Variants in RCHY1 observed in about 807,000 individuals in gnomAD.
RCHY1 encodes ring finger and CHY zinc finger domain containing 1.
RCHY1 carries 21 observed loss-of-function variants against 41.6 expected under a neutral mutation model. That is an observed-to-expected ratio of 0.51 (90% CI 0.36 to 0.73). RCHY1 has a LOEUF of 0.73. RCHY1 is among the 30% of genes least tolerant of loss of function. The pLI is 0.00. For synonymous variants in RCHY1, 79 were observed against 102.9 expected (o/e 0.77, Z 1.41); for missense variants, 265 against 325.3 (o/e 0.81, Z 1.43).
At chr4:75,497,778 C>A (rs1723357369) in intron 3 of RCHY1, among the ~76,000 whole-genome samples, 1 of 150,580 alleles carries the variant, frequency 6.6e-6, no homozygotes, top group African/African-American at 2.4e-5. Context: ...AACTATAAAC[C>A]AATGGATTCA....
intron 1 of RCHY1, among the ~76,000 whole-genome samples, chr4:75,510,979 T>C (rs780233974): frequency 1.3e-5 from 2 of 152,158 alleles, no homozygotes; most frequent in Non-Finnish European, 2.9e-5. Context: ...TTTTGGAGAA[T>C]TATGGATATC....
chr4:75,487,811 A>AAT (rs1343112490), intron 8 of RCHY1, among the ~76,000 whole-genome samples: 620 of 42,956 alleles, frequency 0.014, 53 homozygotes, highest in Non-Finnish European at 0.017. Flanking sequence ...ATATATTCAT[A>AAT]ATATATATTC....
intron 3 of RCHY1, among the ~76,000 whole-genome samples, chr4:75,494,835 C>T (rs11729106): frequency 6.6e-6 from 1 of 151,588 alleles, no homozygotes; most frequent in Admixed American, 6.6e-5. Flanking sequence ...ACCATGTTCC[C>T]CACACTTTGG....
chr4:75,504,096 G>T (rs1419180061), intron 3 of RCHY1, among the ~76,000 whole-genome samples: 1 of 152,188 alleles, frequency 6.6e-6, no homozygotes, highest in South Asian at 2.1e-4. Flanking sequence ...CTTATCAGTG[G>T]TGTATTTGAG....
chr4:75,491,528 A>T, intron 7 of RCHY1, 83 bp downstream of exon 7: 2 of 1,249,042 alleles, frequency 1.6e-6, no homozygotes, highest in Middle Eastern at 1.9e-4. Context: ...TAGTATAAGT[A>T]ACAATGTTTG....
intron 1 of RCHY1, chr4:75,513,984 G>T (rs1011017227): frequency 2.0e-5 from 12 of 606,612 alleles, no homozygotes; most frequent in South Asian, 2.8e-5. Context: ...TCCCAAGAAG[G>T]GTTTTGCTTT....
At chr4:75,511,228 C>CA (rs1481040573) in intron 1 of RCHY1, among the ~76,000 whole-genome samples, 1 of 152,100 alleles carries the variant, frequency 6.6e-6, no homozygotes, top group Non-Finnish European at 1.5e-5. Flanking sequence ...CATGCAATAT[C>CA]AAAAAATCAT....
chr4:75,497,909 A>G (rs1449672071), intron 3 of RCHY1, among the ~76,000 whole-genome samples: 1 of 151,828 alleles, frequency 6.6e-6, no homozygotes, highest in Non-Finnish European at 1.5e-5. Context: ...ATTTTGAAAG[A>G]AAGAAAAGAA....
At chr4:75,511,057 T>C (rs1460142158) in intron 1 of RCHY1, among the ~76,000 whole-genome samples, 2 of 152,174 alleles carry the variant, frequency 1.3e-5, no homozygotes, top group African/African-American at 4.8e-5. Context: ...TGAAATCGTA[T>C]CAAGGAATAT....
chr4:75,487,670 AT>A (rs1722269004), intron 8 of RCHY1, among the ~76,000 whole-genome samples: 2 of 78,266 alleles, frequency 2.6e-5, no homozygotes, highest in African/African-American at 6.3e-5. Context: ...ATATATTCAT[AT>A]ATATTCATAA....
At chr4:75,514,534 GGTTGCCT>G, upstream of RCHY1, 1 of 417,548 alleles carries the variant, frequency 2.4e-6, no homozygotes, top group South Asian at 5.8e-5. Context: ...ATAACTCTTA[GGTTGCCT>G]GTTTTCCCCC....
At chr4:75,503,781 C>T (rs1724032247) in intron 3 of RCHY1, among the ~76,000 whole-genome samples, 1 of 152,050 alleles carries the variant, frequency 6.6e-6, no homozygotes, top group Non-Finnish European at 1.5e-5. Context: ...TATTTCATGA[C>T]AAAAACCTGG....
At chr4:75,489,915 C>G (rs1304240307) in intron 8 of RCHY1, among the ~76,000 whole-genome samples, 2 of 152,168 alleles carry the variant, frequency 1.3e-5, no homozygotes, top group Non-Finnish European at 1.5e-5. Flanking sequence ...GGACCCTCCA[C>G]ACTCTTGGAA....
intron 3 of RCHY1, among the ~76,000 whole-genome samples, chr4:75,502,453 A>C (rs1270553445): frequency 6.6e-6 from 1 of 151,216 alleles, no homozygotes; most frequent in Non-Finnish European, 1.5e-5. Context: ...GGCAGGAAAA[A>C]GGCATGAACC....
chr4:75,505,590 C>G (rs1724220335), intron 3 of RCHY1, among the ~76,000 whole-genome samples: 1 of 151,692 alleles, frequency 6.6e-6, no homozygotes, highest in African/African-American at 2.4e-5. Context: ...TAGGATGAAT[C>G]TTAGAAACAG....
chr4:75,498,161 T>C lies in RCHY1; in HGVS notation c.327-3982A>G, dbSNP rs969129235. Among the ~76,000 whole-genome samples the C allele has an allele frequency of 2.0e-5, 3 of 148,360 alleles. No individual in the cohort carries two copies. The East Asian group carries it at 5.9e-4, about 29-fold the overall frequency. On this transcript the variant is annotated intron_variant, in intron 3 of 8. Transcript: ENST00000324439. ...GAAACAAAAGAGAAGACGTAAGAACTCAGACCACAGAAATACAAAGATAGA... is the reference window on the plus strand; with the variant it reads ...GAAACAAAAGAGAAGACGTAAGAACCCAGACCACAGAAATACAAAGATAGA...
Position 75,482,463 on chromosome 4 carries a change from C to T in RCHY1, c.*75G>A, listed in dbSNP as rs1398035729. On this transcript the variant is annotated 3_prime_UTR_variant, in exon 9 of 9. Transcript: ENST00000324439. ...CAACTCTAATGCATAGATGACGACA[C>T]ATGATAACACGATACCAAGGAAAGC... 4 of 1,385,490 alleles carry T rather than the reference C, an allele frequency of 2.9e-6. No individual in the cohort carries two copies. Among genetic ancestry groups the T allele is most frequent in the Non-Finnish European group, 3.9e-6 (4 of 1,029,704 alleles). 85.8% of individuals were successfully genotyped at this position (1,385,490 alleles called of 1,614,324 possible).
At chr4:75,503,861 T>C (rs1292723727) in intron 3 of RCHY1, among the ~76,000 whole-genome samples, 1 of 152,202 alleles carries the variant, frequency 6.6e-6, no homozygotes, top group African/African-American at 2.4e-5. Flanking sequence ...ATTTACTTAA[T>C]ATGGTTCATA....
intron 1 of RCHY1, among the ~76,000 whole-genome samples, chr4:75,510,276 A>C (rs1209437726): frequency 6.6e-6 from 1 of 152,214 alleles, no homozygotes; most frequent in African/African-American, 2.4e-5. Flanking sequence ...CATGTGGAGC[A>C]AAGCCTCATC....
Sources: gnomAD v4.1 joint callset for allele counts (sites outside exome capture counted in the v4.1 genomes callset) on GRCh38, gnomAD v4.1.1 for gene constraint, MANE v1.5 for transcripts, NCBI Gene and HGNC (gene_info 2026-07-23, HGNC 2026-07-21) for gene names.